Variants in CTNNA3 observed in about 807,000 individuals in gnomAD.
CTNNA3 encodes catenin alpha-3.
In CTNNA3, 76 loss-of-function variants were observed where a neutral mutation model predicts 95.7. The ratio of observed to expected loss-of-function variants is 0.79; its 90% confidence interval spans 0.66 to 0.96. The LOEUF (loss-of-function observed/expected upper bound fraction) is 0.96. Among genes scored for constraint, CTNNA3 ranks in the 40% least tolerant of loss-of-function variants. The pLI is 0.00. For missense variants in CTNNA3, 1,191 were observed against 1,089.8 expected (o/e 1.09, Z -1.31); for synonymous variants, 431 against 374.4 (o/e 1.15, Z -1.74).
intron 13 of CTNNA3, among the ~76,000 whole-genome samples, chr10:66,165,057 T>C (rs2085054710): frequency 6.6e-6 from 1 of 152,164 alleles, no homozygotes; most frequent in Admixed American, 6.5e-5. Context: ...TAATATGTGC[T>C]ATATACACCA....
intron 12 of CTNNA3, among the ~76,000 whole-genome samples, chr10:66,304,322 G>C (rs1459630379): frequency 6.6e-6 from 1 of 152,060 alleles, no homozygotes; most frequent in African/African-American, 2.4e-5. Flanking sequence ...AAACCTTTTG[G>C]AAAACAATTT....
intron 7 of CTNNA3, among the ~76,000 whole-genome samples, chr10:66,917,337 T>C (rs1476955047): frequency 6.6e-6 from 1 of 152,156 alleles, no homozygotes; most frequent in East Asian, 1.9e-4. Context: ...CCAACATTCT[T>C]AAGGGAACTG....
intron 5 of CTNNA3, among the ~76,000 whole-genome samples, chr10:67,432,701 G>A (rs1846151205): frequency 6.6e-6 from 1 of 151,968 alleles, no homozygotes; most frequent in African/African-American, 2.4e-5. Flanking sequence ...TCCTTATAAT[G>A]TGATCACATC....
chr10:67,614,065 G>C (rs930112830), intron 2 of CTNNA3, among the ~76,000 whole-genome samples: 2 of 152,212 alleles, frequency 1.3e-5, no homozygotes, highest in African/African-American at 4.8e-5. Flanking sequence ...GACCCTACCA[G>C]GTTGCCACTG....
intron 12 of CTNNA3, among the ~76,000 whole-genome samples, chr10:66,359,993 AT>A (rs780154031): frequency 1.5e-4 from 22 of 150,452 alleles, no homozygotes; most frequent in African/African-American, 5.4e-4. Flanking sequence ...CACCTGGCTA[AT>A]TTTTTTTTGT....
At chr10:66,291,564 G>A (rs2091680612) in intron 12 of CTNNA3, among the ~76,000 whole-genome samples, 2 of 152,068 alleles carry the variant, frequency 1.3e-5, no homozygotes, top group African/African-American at 4.8e-5. Flanking sequence ...TCTGAGAAGA[G>A]GGAAGGTGAT....
chr10:66,715,911 AAAAT>A (rs1284400270), intron 9 of CTNNA3, among the ~76,000 whole-genome samples: 2 of 151,610 alleles, frequency 1.3e-5, no homozygotes, highest in African/African-American at 4.8e-5. Flanking sequence ...TATAAAAACA[AAAAT>A]AAAATTATTT....
chr10:66,778,072 A>G (rs75597511), intron 7 of CTNNA3, among the ~76,000 whole-genome samples: 13,752 of 152,204 alleles, frequency 0.09, 793 homozygotes, highest in Non-Finnish European at 0.13. Context: ...GGTCAAAGAC[A>G]TTTCATTGTC....
At chr10:67,029,672 G>C (rs1453307592) in intron 7 of CTNNA3, among the ~76,000 whole-genome samples, 4 of 152,136 alleles carry the variant, frequency 2.6e-5, no homozygotes, top group Non-Finnish European at 5.9e-5. Context: ...TTTCCCAAAA[G>C]ACTTAAGTGT....
At chr10:66,201,190 T>C (rs991259746) in intron 13 of CTNNA3, among the ~76,000 whole-genome samples, 5 of 152,224 alleles carry the variant, frequency 3.3e-5, no homozygotes, top group African/African-American at 1.2e-4. Context: ...TGACTGTTCT[T>C]TACTCACTAC....
At chr10:67,204,376 C>G (rs190452793) in intron 6 of CTNNA3, among the ~76,000 whole-genome samples, 6 of 132,056 alleles carry the variant, frequency 4.5e-5, no homozygotes, top group Non-Finnish European at 7.9e-5. Context: ...GCACCTCCCC[C>G]CCTCTCTCTT....
rs554802305 is a variant in CTNNA3 at position 66,712,062 on chromosome 10, T to C, written c.1281+54202A>G. On this transcript the variant is annotated intron_variant, in intron 9 of 17. Coordinates refer to ENST00000433211, the MANE Select transcript of CTNNA3 (RefSeq NM_013266.4). ...AACAAATTTTCCTAATGCTCTCTTG[T>C]CAAGGTCCAACAGTGGTAGAGCTGA... is the stretch of plus-strand genomic sequence containing the variant. 4.6e-5 allele frequency among the ~76,000 whole-genome samples: 7 copies of C among 152,244 alleles called. No homozygotes were observed. In the South Asian group the frequency reaches 1.5e-3, roughly 32 times the overall value.
At chr10:66,432,394 C>A (rs1321559957) in intron 11 of CTNNA3, among the ~76,000 whole-genome samples, 1 of 152,134 alleles carries the variant, frequency 6.6e-6, no homozygotes, top group East Asian at 1.9e-4. Context: ...TGCGGTGGCT[C>A]ACGCCTGTAA....
At chr10:67,618,566 C>A (rs2133404810) in intron 2 of CTNNA3, among the ~76,000 whole-genome samples, 2 of 152,244 alleles carry the variant, frequency 1.3e-5, no homozygotes, top group Admixed American at 1.3e-4. Flanking sequence ...TTTACTCTTT[C>A]TTGTTCTCTT....
At chr10:66,829,105 G>A (rs1842618108) in intron 7 of CTNNA3, among the ~76,000 whole-genome samples, 1 of 152,028 alleles carries the variant, frequency 6.6e-6, no homozygotes, top group Admixed American at 6.6e-5. Flanking sequence ...GATATCCTTG[G>A]GCCACTCCAT....
chr10:66,191,126 G>A (rs530742955), intron 13 of CTNNA3, among the ~76,000 whole-genome samples: 1 of 152,136 alleles, frequency 6.6e-6, no homozygotes, highest in Non-Finnish European at 1.5e-5. Context: ...TAACAAAGAA[G>A]GACCCAGAGG....
At chr10:67,646,878 T>G (rs899385799) in intron 2 of CTNNA3, among the ~76,000 whole-genome samples, 7 of 152,140 alleles carry the variant, frequency 4.6e-5, no homozygotes, top group Non-Finnish European at 1.0e-4. Context: ...CAGAGAATCA[T>G]TATGCATATC....
At chr10:67,542,160 G>T (rs1402858710) in intron 3 of CTNNA3, among the ~76,000 whole-genome samples, 3 of 152,012 alleles carry the variant, frequency 2.0e-5, no homozygotes, top group Non-Finnish European at 2.9e-5. Flanking sequence ...AATTCTTATT[G>T]CTGGACTTAT....
chr10:67,161,052 T>C (rs994993731), intron 7 of CTNNA3, among the ~76,000 whole-genome samples: 1 of 152,140 alleles, frequency 6.6e-6, no homozygotes, highest in African/African-American at 2.4e-5. Context: ...AAGTTGCCAT[T>C]CAACAGGTAT....
Sources: gnomAD v4.1 joint callset for allele counts (sites outside exome capture counted in the v4.1 genomes callset) on GRCh38, gnomAD v4.1.1 for gene constraint, MANE v1.5 for transcripts, NCBI Gene and HGNC (gene_info 2026-07-23, HGNC 2026-07-21) for gene names.